The following DERA variants were observed in gnomAD, a reference collection of about 807,000 sequenced individuals.
DERA encodes the protein 2-deoxy-D-ribose 5-phosphate aldolase.
Under a neutral mutation model 41.1 loss-of-function variants are expected in DERA, and 15 were observed. The observed-to-expected ratio is 0.37, with a 90% CI of 0.24 to 0.56. The LOEUF (loss-of-function observed/expected upper bound fraction) is 0.56. Ranked by LOEUF, DERA falls within the 20% of genes least tolerant of loss-of-function variation. DERA has a pLI of 0.81. For synonymous variants in DERA, 139 were observed against 137.4 expected, an observed-to-expected ratio of 1.01 and a Z score of -0.08; for missense variants, 396 against 403.4, an observed-to-expected ratio of 0.98 and a Z score of 0.16.
chr12:15,975,312 G>A lies in DERA; in HGVS notation c.509-6996G>A, dbSNP rs148802605. 8.6e-3 allele frequency among the ~76,000 whole-genome samples: 1,305 copies of A among 152,210 alleles called. 13 individuals carry two copies. The highest frequency in any genetic ancestry group is 0.016 in the Admixed American group (238 of 15,286). On this transcript the variant is annotated intron_variant, in intron 5 of 8. Transcript: ENST00000428559. Reference sequence around the variant, plus strand: ...GGGAATTATTTGAACCTGTCCTCTTGTGCTGAATTAGTTTTTGGGTGGGGG... The same window carrying A: ...GGGAATTATTTGAACCTGTCCTCTTATGCTGAATTAGTTTTTGGGTGGGGG...
Position 15,972,548 on chromosome 12 carries a change from C to G in DERA, c.508+9601C>G, listed in dbSNP as rs978633076. On this transcript the variant is annotated intron_variant, in intron 5 of 8. Coordinates refer to ENST00000428559, the MANE Select transcript of DERA (RefSeq NM_015954.4). The surrounding 1 kb of genome is among the most constrained non-coding windows in gnomAD (Gnocchi z 4.4). Reference sequence around the variant, plus strand: ...GCAGAAGCTGACTTCCCGCAGACAGCGCATGATGTACTCTAGGGAAATTTT... The same window carrying G: ...GCAGAAGCTGACTTCCCGCAGACAGGGCATGATGTACTCTAGGGAAATTTT... 1 of 160,022 alleles carries G rather than the reference C, an allele frequency of 6.2e-6. No homozygotes were observed. Among genetic ancestry groups the G allele is most frequent in the African/African-American group, 2.4e-5 (1 of 41,824 alleles). The allele number at this position is 160,022 out of a possible 1,614,324, so 9.9% of individuals were successfully genotyped here. A position where few individuals can be genotyped will look rare whatever the true frequency, so the allele number is the denominator to read the frequency against.
rs148745142 is a variant in DERA, at chr12:15,918,435, T to C, written c.31+7021T>C. ...ATTCTGTTTGGCCCACTCTGGGCCA[T>C]AGTGGTGCCCCCATTTCAACCCGGC... is the stretch of plus-strand genomic sequence containing the variant. On this transcript the variant is annotated intron_variant, in intron 1 of 8. Coordinates refer to ENST00000428559, the MANE Select transcript of DERA (RefSeq NM_015954.4). The surrounding 1 kb of genome is among the most constrained non-coding windows in gnomAD (Gnocchi z 4.3). Among the ~76,000 whole-genome samples, 18 of 152,296 alleles carry C rather than the reference T, an allele frequency of 1.2e-4. No homozygotes were observed. The East Asian group carries it at 2.7e-3, about 23-fold the overall frequency.
chr12:15,953,204 C>T (rs1413822392), intron 1 of DERA, among the ~76,000 whole-genome samples: 2 of 152,134 alleles, frequency 1.3e-5, no homozygotes, highest in Admixed American at 6.5e-5. Context: ...TGTGACCTAC[C>T]CTTCCTCTGA....
chr12:15,952,044 G>T (rs987715424), intron 1 of DERA, among the ~76,000 whole-genome samples: 2 of 152,050 alleles, frequency 1.3e-5, no homozygotes, highest in Non-Finnish European at 2.9e-5. Flanking sequence ...GAGACTACAG[G>T]CTTGCACCAC....
intron 1 of DERA, among the ~76,000 whole-genome samples, chr12:15,917,652 A>G (rs1948210283): frequency 1.3e-5 from 2 of 152,342 alleles, no homozygotes; most frequent in Middle Eastern, 6.8e-3. Flanking sequence ...ACTTCTGATT[A>G]CAAGTTTTTT....
At chr12:16,029,658 A>G (rs1329652850) in intron 6 of DERA, among the ~76,000 whole-genome samples, 1 of 152,134 alleles carries the variant, frequency 6.6e-6, no homozygotes, top group East Asian at 1.9e-4. Context: ...ACAGAAGAGT[A>G]TAAGAAAGAT....
In DERA at chr12:16,036,651, A is replaced by AT. The variant is rs1694533396; in HGVS notation, c.901-38dup. ...TAATTATTAACTGATGTGTATAATTATAGAATGATTGTTAATTAAACTCTG... is the reference window on the plus strand; with the variant it reads ...TAATTATTAACTGATGTGTATAATTATTAGAATGATTGTTAATTAAACTCTG... On this transcript the variant is annotated intron_variant, in intron 8 of 8. Coordinates refer to ENST00000428559, the MANE Select transcript of DERA (RefSeq NM_015954.4). This position sits in a 1 kb window ranked among gnomAD's most constrained non-coding sequence, Gnocchi z 4.9. The AT allele has an allele frequency of 7.0e-7, 1 of 1,434,842 alleles. No homozygotes were observed. Among genetic ancestry groups the AT allele is most frequent in the South Asian group, 1.2e-5 (1 of 83,100 alleles). The allele number at this position is 1,434,842 out of a possible 1,614,324, so 88.9% of individuals were successfully genotyped here.
At chr12:15,969,978 A>G (rs1283594802) in intron 5 of DERA, among the ~76,000 whole-genome samples, 9 of 152,196 alleles carry the variant, frequency 5.9e-5, no homozygotes, top group Non-Finnish European at 1.2e-4. Flanking sequence ...TTATGCTACA[A>G]TTCTTCAAAA....
chr12:15,989,136 T>A lies in DERA; in HGVS notation c.637+6700T>A, dbSNP rs903514529. 6.6e-6 allele frequency among the ~76,000 whole-genome samples: 1 copy of A among 152,184 alleles called. No individual in the cohort carries two copies. Among genetic ancestry groups the A allele is most frequent in the Non-Finnish European group, 1.5e-5 (1 of 68,028 alleles). ...GGAGATGTGGCTTGTTGGATGCAGC[T>A]GCCCCTGGGAGCACAGGGCTCCTGC... On this transcript the variant is annotated intron_variant, in intron 6 of 8. Transcript: ENST00000428559. The surrounding 1 kb of genome is among the most constrained non-coding windows in gnomAD (Gnocchi z 5.2).
chr12:15,962,712 C>A, intron 4 of DERA, 101 bp from the exon 5 acceptor site: 1 of 948,760 alleles, frequency 1.1e-6, no homozygotes. Context: ...CTTTGATGAA[C>A]TACTACTGAC....
Position 15,936,959 on chromosome 12 carries a change from C to CCTGTCCTGTCCTGTCTTGTCCTGTCCCGT in DERA, c.32-19976_32-19975insTGTCCTGTCCTGTCTTGTCCTGTCCCGTC, listed in dbSNP as rs1565588788. On this transcript the variant is annotated intron_variant, in intron 1 of 8. Coordinates refer to ENST00000428559, the MANE Select transcript of DERA (RefSeq NM_015954.4). This position sits in a 1 kb window ranked among gnomAD's most constrained non-coding sequence, Gnocchi z 4.6. ...TCTTGTCCTGTCCCGTCCTGTCCTG[C>CCTGTCCTGTCCTGTCTTGTCCTGTCCCGT]CCTGCCCTGCCCTGTCTTGTCTTTC... Among the ~76,000 whole-genome samples, 13 of 139,768 alleles carry CCTGTCCTGTCCTGTCTTGTCCTGTCCCGT rather than the reference C, an allele frequency of 9.3e-5. No homozygotes were observed. Among genetic ancestry groups the CCTGTCCTGTCCTGTCTTGTCCTGTCCCGT allele is most frequent in the African/African-American group, 3.9e-4 (13 of 33,450 alleles). The allele number at this position is 139,768 out of a possible 152,430, so 91.7% of individuals were successfully genotyped here. A position where few individuals can be genotyped will look rare whatever the true frequency, so the allele number is the denominator to read the frequency against.
In DERA at chr12:16,036,366, G is replaced by A. The variant is rs754561566; in HGVS notation, c.885G>A (p.Ser295=). The change falls in exon 8 of 9, where the codon TCG becomes TCA. Residue 295 remains serine, a synonymous_variant. Transcript: ENST00000428559. This position sits in a 1 kb window ranked among gnomAD's most constrained non-coding sequence, Gnocchi z 4.9. ...GAATAGGTGCCAGTACTCTGCTCTC[G>A]GACATTGAGAGGCAGGTGAGTAATC... is the stretch of plus-strand genomic sequence containing the variant. The part of the protein sequence containing the change: ...LFRIGASTLL[S]DIERQIYHHV... 8.1e-6 allele frequency: 13 copies of A among 1,599,878 alleles called. No homozygotes were observed. The highest frequency in any genetic ancestry group is 2.2e-5 in the East Asian group (1 of 44,624).
At position 15,988,799 on chromosome 12, in the gene DERA, A is replaced by G. The variant is rs1294157404; in HGVS notation, c.637+6363A>G. 6.6e-6 allele frequency among the ~76,000 whole-genome samples: 1 copy of G among 152,118 alleles called. No homozygotes were observed. The highest frequency in any genetic ancestry group is 2.4e-5 in the African/African-American group (1 of 41,408). On this transcript the variant is annotated intron_variant, in intron 6 of 8. Transcript: ENST00000428559. The surrounding 1 kb of genome is among the most constrained non-coding windows in gnomAD (Gnocchi z 6.0). The stretch of plus-strand genomic sequence containing the variant: ...CATCATCATGTTGTCCACGGCACCC[A>G]GGCTATTCACACTGAGGGGCGCCTG...
At position 15,959,180 on chromosome 12, in the gene DERA, AT is replaced by A. The variant is rs1188756040; in HGVS notation, c.278-648del. Among the ~76,000 whole-genome samples the A allele has an allele frequency of 6.6e-6, 1 of 152,084 alleles. No homozygotes were observed. Among genetic ancestry groups the A allele is most frequent in the Non-Finnish European group, 1.5e-5 (1 of 68,016 alleles). On this transcript the variant is annotated intron_variant, in intron 3 of 8. Transcript: ENST00000428559. The surrounding 1 kb of genome is among the most constrained non-coding windows in gnomAD (Gnocchi z 4.5). ...CTACGGCTTTTGAAAAGTATTTATTATGTTTATTTCGTGTTGGCCATAAAAA... is the reference window on the plus strand; with the variant it reads ...CTACGGCTTTTGAAAAGTATTTATTAGTTTATTTCGTGTTGGCCATAAAAA...
rs768380705 is a variant in DERA at position 15,962,990 on chromosome 12, C to T, written c.508+43C>T. On this transcript the variant is annotated intron_variant, in intron 5 of 8. Transcript: ENST00000428559. ...CCTAAGAGAGTTTCACCATTCTTCC[C>T]TGGTGAATCAGATGATGAGGTAAGA... 6 of 1,580,826 alleles carry T rather than the reference C, an allele frequency of 3.8e-6. No individual in the cohort carries two copies. The South Asian group carries it at 5.9e-5, about 15-fold the overall frequency.
Position 15,982,003 on chromosome 12 carries a change from TCATATGGACAAGA to T in DERA, c.509-302_509-290del, listed in dbSNP as rs1200864569. Reference sequence around the variant, plus strand: ...ATTTGTTTTTTGTTGGAAGCAACCATCATATGGACAAGACAGAAATTATTTATAATTTGCATGT... The same window carrying T: ...ATTTGTTTTTTGTTGGAAGCAACCATCAGAAATTATTTATAATTTGCATGT... On this transcript the variant is annotated intron_variant, in intron 5 of 8. Coordinates refer to ENST00000428559, the MANE Select transcript of DERA (RefSeq NM_015954.4). The surrounding 1 kb of genome is among the most constrained non-coding windows in gnomAD (Gnocchi z 4.0). 2.0e-5 allele frequency among the ~76,000 whole-genome samples: 3 copies of T among 152,164 alleles called. No homozygotes were observed. Among genetic ancestry groups the T allele is most frequent in the Admixed American group, 1.3e-4 (2 of 15,278 alleles).
rs1323678376 is a variant in DERA, at chr12:16,000,849, T to G, written c.637+18413T>G. Reference sequence around the variant, plus strand: ...ACCTATAGTTGCATCCATCAGATGTTGAGTTTTTTTTTACTAGGATTGTAG... The same window carrying G: ...ACCTATAGTTGCATCCATCAGATGTGGAGTTTTTTTTTACTAGGATTGTAG... On this transcript the variant is annotated intron_variant, in intron 6 of 8. Transcript: ENST00000428559. The surrounding 1 kb of genome is among the most constrained non-coding windows in gnomAD (Gnocchi z 4.8). Among the ~76,000 whole-genome samples, 1 of 149,880 alleles carries G rather than the reference T, an allele frequency of 6.7e-6. No individual in the cohort carries two copies. Among genetic ancestry groups the G allele is most frequent in the African/African-American group, 2.4e-5 (1 of 41,316 alleles).
At chr12:15,961,748 A>G (rs1238055729) in intron 4 of DERA, among the ~76,000 whole-genome samples, 1 of 152,080 alleles carries the variant, frequency 6.6e-6, no homozygotes, top group Non-Finnish European at 1.5e-5. Flanking sequence ...GAATTTTTTT[A>G]ATTTTTATTT....
In DERA at chr12:16,035,696, G is replaced by C. The variant is rs1347922495; in HGVS notation, c.751-536G>C. Among the ~76,000 whole-genome samples the C allele has an allele frequency of 6.6e-6, 1 of 152,162 alleles. No individual in the cohort carries two copies. Among genetic ancestry groups the C allele is most frequent in the Non-Finnish European group, 1.5e-5 (1 of 68,028 alleles). On this transcript the variant is annotated intron_variant, in intron 7 of 8. Transcript: ENST00000428559. This position sits in a 1 kb window ranked among gnomAD's most constrained non-coding sequence, Gnocchi z 4.1. Reference sequence around the variant, plus strand: ...AGAAAAAAAATCCCACAGTTAAATTGGTTAAAACAACTGTCAACTTTCCTT... The same window carrying C: ...AGAAAAAAAATCCCACAGTTAAATTCGTTAAAACAACTGTCAACTTTCCTT...
Sources: allele counts gnomAD v4.1 joint callset (sites outside exome capture counted in the v4.1 genomes callset), GRCh38; gene constraint gnomAD v4.1.1; non-coding constraint Gnocchi (gnomAD v3.1); transcripts MANE v1.5; gene names NCBI Gene and HGNC (gene_info 2026-07-23, HGNC 2026-07-21).